The following PRKG1 variants were observed in gnomAD, a reference collection of about 807,000 sequenced individuals.
The protein encoded by PRKG1 is cGMP-dependent protein kinase 1.
In PRKG1, 35 loss-of-function variants were observed where a neutral mutation model predicts 88.1. The ratio of observed to expected loss-of-function variants is 0.40; its 90% confidence interval spans 0.30 to 0.53. The LOEUF (loss-of-function observed/expected upper bound fraction) is 0.53, where lower values mean the gene tolerates loss of function less well. PRKG1 is among the 20% of genes least tolerant of loss of function. PRKG1 has a pLI of 0.59. For missense variants in PRKG1, 540 were observed against 839.8 expected (o/e 0.64, Z 4.41); for synonymous variants, 303 against 292.5 (o/e 1.04, Z -0.37).
intron 4 of PRKG1, among the ~76,000 whole-genome samples, chr10:51,885,868 A>C (rs1159019949): frequency 6.6e-6 from 1 of 152,146 alleles, no homozygotes; most frequent in Non-Finnish European, 1.5e-5. Context: ...ACGTTATTAT[A>C]TTATAAATTA....
At chr10:52,253,328 T>C (rs940853611) in intron 10 of PRKG1, 8 of 152,004 alleles carry the variant, frequency 5.3e-5, no homozygotes, top group African/African-American at 1.9e-4. Flanking sequence ...ACATGAAATA[T>C]AGGAATTTAC....
chr10:51,429,433 C>G (rs979034552), intron 2 of PRKG1, among the ~76,000 whole-genome samples: 2 of 152,008 alleles, frequency 1.3e-5, no homozygotes, highest in African/African-American at 4.8e-5. Flanking sequence ...AAACAAAATT[C>G]ATGAGACACA....
At chr10:51,558,472 A>G (rs1433570585) in intron 3 of PRKG1, among the ~76,000 whole-genome samples, 1 of 152,090 alleles carries the variant, frequency 6.6e-6, no homozygotes, top group Middle Eastern at 3.2e-3. Context: ...CACTATTCCC[A>G]GGATGGCCCC....
At chr10:51,779,404 A>G (rs541006092) in intron 3 of PRKG1, among the ~76,000 whole-genome samples, 31 of 152,162 alleles carry the variant, frequency 2.0e-4, no homozygotes, top group Non-Finnish European at 4.3e-4. Flanking sequence ...AGCCAAATCC[A>G]AATCCCAATG....
intron 4 of PRKG1, among the ~76,000 whole-genome samples, chr10:51,817,361 C>T (rs866035655): frequency 2.6e-4 from 39 of 149,558 alleles, no homozygotes; most frequent in African/African-American, 6.8e-4. Context: ...CCCCCCTCCC[C>T]TGACAGGCCC....
chr10:51,860,853 G>C (rs1369577111), intron 4 of PRKG1, among the ~76,000 whole-genome samples: 1 of 152,144 alleles, frequency 6.6e-6, no homozygotes, highest in Admixed American at 6.5e-5. Context: ...AAAAGGCTTT[G>C]GAGCAGGGAG....
intron 3 of PRKG1, among the ~76,000 whole-genome samples, chr10:51,494,261 C>CTAGAGTGA (rs1474170361): frequency 6.6e-6 from 1 of 152,104 alleles, no homozygotes; most frequent in Non-Finnish European, 1.5e-5. Context: ...CACAGAAAAA[C>CTAGAGTGA]TAGAGTGATT....
chr10:51,716,866 T>G, intron 3 of PRKG1, among the ~76,000 whole-genome samples: 1 of 152,086 alleles, frequency 6.6e-6, no homozygotes, highest in East Asian at 1.9e-4. Flanking sequence ...CTGGCTAACT[T>G]TTTGTATTTT....
At chr10:51,595,877 C>G (rs914439967) in intron 3 of PRKG1, among the ~76,000 whole-genome samples, 3 of 151,998 alleles carry the variant, frequency 2.0e-5, no homozygotes, top group Non-Finnish European at 4.4e-5. Context: ...CTCTGTCACC[C>G]AGGCTGGAGT....
At chr10:52,172,720 G>A (rs534687283) in intron 9 of PRKG1, among the ~76,000 whole-genome samples, 1 of 152,292 alleles carries the variant, frequency 6.6e-6, no homozygotes, top group East Asian at 1.9e-4. Flanking sequence ...TGCAAGTAAG[G>A]TTGAGCAACT....
chr10:52,264,538 AT>A (rs1397836858), intron 10 of PRKG1, among the ~76,000 whole-genome samples: 1 of 152,098 alleles, frequency 6.6e-6, no homozygotes, highest in Non-Finnish European at 1.5e-5. Context: ...TTATTTCTGG[AT>A]TACTTACAAA....
intron 3 of PRKG1, among the ~76,000 whole-genome samples, chr10:51,764,895 C>T (rs1174380874): frequency 6.6e-6 from 1 of 152,158 alleles, no homozygotes; most frequent in Non-Finnish European, 1.5e-5. Context: ...TAGACCCTTT[C>T]ATCTTGTGTG....
At chr10:52,046,013 G>T (rs931629357) in intron 5 of PRKG1, among the ~76,000 whole-genome samples, 6 of 152,190 alleles carry the variant, frequency 3.9e-5, no homozygotes, top group African/African-American at 1.4e-4. Context: ...GACTCTTTAG[G>T]ATGTGTTTCT....
At chr10:52,215,394 C>CAAAAAAAAA in intron 9 of PRKG1, among the ~76,000 whole-genome samples, 1 of 95,846 alleles carries the variant, frequency 1.0e-5, no homozygotes. Flanking sequence ...AACTCCATCT[C>CAAAAAAAAA]AAAAAAAAAA....
At chr10:51,749,932 CTTTTT>C (rs1179911606) in intron 3 of PRKG1, among the ~76,000 whole-genome samples, 1 of 131,740 alleles carries the variant, frequency 7.6e-6, no homozygotes, top group Admixed American at 7.7e-5. Flanking sequence ...CTCTAATAGT[CTTTTT>C]TTTTTTTTTT....
chr10:51,276,809 G>A (rs1465937498), intron 2 of PRKG1, among the ~76,000 whole-genome samples: 2 of 151,660 alleles, frequency 1.3e-5, no homozygotes, highest in African/African-American at 4.8e-5. Flanking sequence ...TTTTGATGGG[G>A]TTGTTTTTTT....
intron 1 of PRKG1, among the ~76,000 whole-genome samples, chr10:51,149,137 C>T (rs770455619): frequency 2.6e-5 from 4 of 152,090 alleles, no homozygotes; most frequent in South Asian, 2.1e-4. Flanking sequence ...TGCTTTTCCT[C>T]GTCATCACTG....
At chr10:51,007,793 A>G (rs1564568885) in intron 1 of PRKG1, among the ~76,000 whole-genome samples, 1 of 152,254 alleles carries the variant, frequency 6.6e-6, no homozygotes, top group South Asian at 2.1e-4. Context: ...GTGATTCAGA[A>G]GGAATTTTAG....
rs767287099 is a variant in PRKG1 at position 51,994,350 on chromosome 10, T to C, written c.763-60134T>C. ...AGGTCTCCTCGTGGCCCTATATTGCTGACAGAAGATGCCCTCTTGTAAGTT... is the reference window on the plus strand; with the variant it reads ...AGGTCTCCTCGTGGCCCTATATTGCCGACAGAAGATGCCCTCTTGTAAGTT... On this transcript the variant is annotated intron_variant, in intron 5 of 17. Transcript: ENST00000373980. Among the ~76,000 whole-genome samples the C allele has an allele frequency of 6.6e-4, 101 of 152,288 alleles. 1 individual carries two copies. In the Middle Eastern group the frequency reaches 0.024, roughly 36 times the overall value.
Sources: gnomAD v4.1 joint callset for allele counts (sites outside exome capture counted in the v4.1 genomes callset) on GRCh38, gnomAD v4.1.1 for gene constraint, MANE v1.5 for transcripts, NCBI Gene and HGNC (gene_info 2026-07-23, HGNC 2026-07-21) for gene names.